Variants in PKNOX2 observed in about 807,000 individuals in gnomAD.
The protein encoded by PKNOX2 is PBX/knotted 1 homeobox 2, also known as homeobox protein PKNOX2.
PKNOX2 carries 14 observed loss-of-function variants against 53.1 expected under a neutral mutation model. The observed-to-expected ratio is 0.26, with a 90% CI of 0.17 to 0.41. The LOEUF (loss-of-function observed/expected upper bound fraction) is 0.41. Ranked by LOEUF, PKNOX2 falls within the 10% of genes least tolerant of loss-of-function variation. The pLI, the probability that PKNOX2 is intolerant of heterozygous loss-of-function variation, is 1.00. For missense variants in PKNOX2, 496 were observed against 602.8 expected (o/e 0.82, Z 1.85); for synonymous variants, 257 against 242.8 (o/e 1.06, Z -0.54).
intron 10 of PKNOX2, among the ~76,000 whole-genome samples, chr11:125,414,830 A>T (rs1435888390): frequency 2.0e-5 from 3 of 152,208 alleles, no homozygotes; most frequent in Admixed American, 6.5e-5. Context: ...CAGGCCTAGC[A>T]CATAGCACTT....
At chr11:125,291,671 T>A (rs1947312698) in intron 2 of PKNOX2, among the ~76,000 whole-genome samples, 1 of 152,176 alleles carries the variant, frequency 6.6e-6, no homozygotes, top group Admixed American at 6.5e-5. Flanking sequence ...CAAGTACTCA[T>A]CAACTGATGA....
At chr11:125,356,039 C>A (rs191275116) in intron 4 of PKNOX2, among the ~76,000 whole-genome samples, 121 of 148,130 alleles carry the variant, frequency 8.2e-4, no homozygotes, top group African/African-American at 2.6e-3. Flanking sequence ...ACCCCCCCCC[C>A]CACAACTTTT....
At chr11:125,195,648 T>C (rs887906935) in intron 1 of PKNOX2, among the ~76,000 whole-genome samples, 1 of 152,170 alleles carries the variant, frequency 6.6e-6, no homozygotes, top group Admixed American at 6.5e-5. Context: ...GCTGACACAC[T>C]ACTCATGAAA....
chr11:125,275,570 GC>G (rs1946098084), intron 2 of PKNOX2, among the ~76,000 whole-genome samples: 1 of 152,148 alleles, frequency 6.6e-6, no homozygotes, highest in African/African-American at 2.4e-5. Flanking sequence ...CTTAGTCTTG[GC>G]CATGGCAGTG....
At chr11:125,180,508 G>A (rs575554363) in intron 1 of PKNOX2, among the ~76,000 whole-genome samples, 1 of 152,324 alleles carries the variant, frequency 6.6e-6, no homozygotes, top group Admixed American at 6.5e-5. Flanking sequence ...CTAAGTCATT[G>A]GTCTTTGAGC....
At chr11:125,411,498 C>CTCTA (rs1955522659) in intron 9 of PKNOX2, 2 of 464,270 alleles carry the variant, frequency 4.3e-6, no homozygotes, top group Non-Finnish European at 8.0e-6. Flanking sequence ...CTCTCTCTCT[C>CTCTA]TCTCTCTCTC....
Position 125,431,310 on chromosome 11 carries a change from A to T in PKNOX2, c.1337A>T (p.Glu446Val), listed in dbSNP as rs1956691418. The T allele has an allele frequency of 3.7e-6, 6 of 1,613,472 alleles. No homozygotes were observed. In the East Asian group the frequency reaches 1.3e-4, roughly 36 times the overall value. ...DEDEMEEEEE[E>V]ELEEEVDELQ... ...GATGAGATGGAAGAGGAGGAGGAGG[A>T]GGAGCTGGAGGAGGAGGTCGACGAG... Residue 446 changes from glutamate (E) to valine (V), a missense_variant, in exon 13 of 13, where the codon GAG becomes GTG. By Grantham distance (121) the Glu-to-Val change is moderately radical (BLOSUM62 -2). Around this residue, in one of 5 missense-constraint regions of PKNOX2, gnomAD observed 139 missense variants for 161.3 expected, o/e 0.86. Transcript: ENST00000298282.
At chr11:125,234,672 C>T (rs1208475169) in intron 1 of PKNOX2, among the ~76,000 whole-genome samples, 1 of 152,136 alleles carries the variant, frequency 6.6e-6, no homozygotes, top group East Asian at 1.9e-4. Flanking sequence ...ATGGGGTCTT[C>T]CAATAGGTAG....
chr11:125,225,860 G>A (rs1279969667), intron 1 of PKNOX2, among the ~76,000 whole-genome samples: 1 of 152,212 alleles, frequency 6.6e-6, no homozygotes, highest in Non-Finnish European at 1.5e-5. Context: ...TCCTGGGTAG[G>A]CTGTATTTCT....
At chr11:125,381,166 A>G (rs1953201458) in intron 5 of PKNOX2, among the ~76,000 whole-genome samples, 1 of 152,162 alleles carries the variant, frequency 6.6e-6, no homozygotes, top group African/African-American at 2.4e-5. Flanking sequence ...TGGGAGCCAC[A>G]GGCGCCCCGC....
At position 125,349,899 on chromosome 11, in the gene PKNOX2, A is replaced by G. The variant is rs565830076; in HGVS notation, c.-22-1385A>G. ...CACAGCCCTGGAGGCCAGCCCCTTT[A>G]GATGACAGCAGCTCCAAAGCACTCT... On this transcript the variant is annotated intron_variant, in intron 3 of 12. Coordinates refer to ENST00000298282, the MANE Select transcript of PKNOX2 (RefSeq NM_001382323.2). Among the ~76,000 whole-genome samples the G allele has an allele frequency of 1.3e-3, 201 of 150,952 alleles. 3 individuals carry two copies. Among genetic ancestry groups the G allele is most frequent in the African/African-American group, 4.0e-3 (165 of 41,072 alleles).
chr11:125,289,374 G>T (rs1947155619), intron 2 of PKNOX2, among the ~76,000 whole-genome samples: 2 of 152,324 alleles, frequency 1.3e-5, no homozygotes, highest in South Asian at 4.2e-4. Flanking sequence ...CTCCAAAATG[G>T]GAATGACAGT....
chr11:125,232,643 TATG>T (rs1414435032), intron 1 of PKNOX2, among the ~76,000 whole-genome samples: 5 of 152,214 alleles, frequency 3.3e-5, no homozygotes, highest in Admixed American at 6.5e-5. Flanking sequence ...GTTCCTAAAA[TATG>T]ATGCTAAAAC....
At chr11:125,409,027 A>G (rs1035655445) in intron 7 of PKNOX2, among the ~76,000 whole-genome samples, 10 of 152,260 alleles carry the variant, frequency 6.6e-5, no homozygotes, top group Admixed American at 6.5e-4. Flanking sequence ...CGAAATGGCC[A>G]TTGGACCTGT....
At chr11:125,300,647 A>AAGAGACAG (rs1214968408) in intron 2 of PKNOX2, among the ~76,000 whole-genome samples, 1 of 152,058 alleles carries the variant, frequency 6.6e-6, no homozygotes, top group African/African-American at 2.4e-5. Flanking sequence ...CAGAGAAACA[A>AAGAGACAG]AGAGACAGAG....
intron 1 of PKNOX2, among the ~76,000 whole-genome samples, chr11:125,219,921 C>A (rs536535206): frequency 3.5e-4 from 54 of 152,178 alleles, no homozygotes; most frequent in African/African-American, 1.2e-3. Context: ...CATTCTTGTA[C>A]CTATAGGAAA....
chr11:125,342,166 T>G (rs1355086306), intron 3 of PKNOX2, among the ~76,000 whole-genome samples: 3 of 138,496 alleles, frequency 2.2e-5, no homozygotes, highest in Non-Finnish European at 4.7e-5. Flanking sequence ...GACTCTTGAC[T>G]TTTTTTTTTT....
At chr11:125,337,371 T>C (rs1180512750) in intron 3 of PKNOX2, among the ~76,000 whole-genome samples, 1 of 152,226 alleles carries the variant, frequency 6.6e-6, no homozygotes, top group African/African-American at 2.4e-5. Context: ...TTATTTTTTA[T>C]ATCAACGAGT....
chr11:125,368,116 T>A, intron 5 of PKNOX2, 131 bp downstream of exon 5: 1 of 1,117,012 alleles, frequency 9.0e-7, no homozygotes, highest in South Asian at 1.8e-5. Flanking sequence ...TCCCTTGGCC[T>A]CCTTCCCTCT....
Sources: gnomAD v4.1 joint callset for allele counts (sites outside exome capture counted in the v4.1 genomes callset) on GRCh38, gnomAD v4.1.1 for gene constraint, gnomAD v4.1.1 regional missense constraint, MANE v1.5 for transcripts, NCBI Gene and HGNC (gene_info 2026-07-23, HGNC 2026-07-21) for gene names.